KDM4C: variants seen among roughly 807,000 people sequenced by gnomAD.
KDM4C encodes the protein lysine demethylase 4C.
Under a neutral mutation model 129.3 loss-of-function variants are expected in KDM4C, and 81 were observed. That is an observed-to-expected ratio of 0.63 (90% CI 0.52 to 0.75). The LOEUF is 0.75. KDM4C is among the 30% of genes least tolerant of loss of function. KDM4C has a pLI of 0.00. For missense variants in KDM4C, 1,457 were observed against 1,304.0 expected (o/e 1.12, Z -1.81); for synonymous variants, 573 against 456.1 (o/e 1.26, Z -3.26).
chr9:6,909,977 A>G (rs577256707), intron 8 of KDM4C, among the ~76,000 whole-genome samples: 9 of 152,322 alleles, frequency 5.9e-5, no homozygotes, highest in African/African-American at 2.2e-4. Flanking sequence ...GTGGGTTAAT[A>G]TCCTTAATAA....
At chr9:6,747,198 A>C (rs1276520836) in intron 1 of KDM4C, among the ~76,000 whole-genome samples, 1 of 136,708 alleles carries the variant, frequency 7.3e-6, no homozygotes, top group African/African-American at 3.0e-5. Context: ...GTCTCCAAAA[A>C]ACCAAACCAA....
At chr9:6,813,083 G>A (rs1831455866) in intron 3 of KDM4C, among the ~76,000 whole-genome samples, 1 of 152,136 alleles carries the variant, frequency 6.6e-6, no homozygotes, top group Admixed American at 6.5e-5. Flanking sequence ...GCTGAGGCAG[G>A]AGAATCCCTT....
At chr9:7,147,846 G>C (rs1212623892) in intron 19 of KDM4C, among the ~76,000 whole-genome samples, 1 of 152,220 alleles carries the variant, frequency 6.6e-6, no homozygotes, top group Non-Finnish European at 1.5e-5. Flanking sequence ...GCCTTAGGGT[G>C]TTGCTTTGCC....
chr9:6,844,746 G>T (rs1479657150), intron 4 of KDM4C, among the ~76,000 whole-genome samples: 1 of 152,060 alleles, frequency 6.6e-6, no homozygotes, highest in East Asian at 1.9e-4. Flanking sequence ...GAAGTGCAGT[G>T]GCATGATCTC....
At chr9:6,843,690 G>T (rs1430114876) in intron 4 of KDM4C, among the ~76,000 whole-genome samples, 1 of 152,182 alleles carries the variant, frequency 6.6e-6, no homozygotes, top group Non-Finnish European at 1.5e-5. Flanking sequence ...TTTGATTCCA[G>T]TGCAGCATGG....
chr9:7,071,112 A>G (rs1042806447), intron 17 of KDM4C, among the ~76,000 whole-genome samples: 1 of 152,208 alleles, frequency 6.6e-6, no homozygotes, highest in Non-Finnish European at 1.5e-5. Flanking sequence ...GAAAGCATAT[A>G]TGCAAAATCT....
intron 1 of KDM4C, among the ~76,000 whole-genome samples, chr9:6,783,025 C>G (rs12002710): frequency 1.3e-5 from 2 of 151,894 alleles, no homozygotes; most frequent in Non-Finnish European, 2.9e-5. Flanking sequence ...TGGGAAGGCT[C>G]TTGGGATTCT....
At chr9:7,097,089 A>G (rs1836527504) in intron 17 of KDM4C, among the ~76,000 whole-genome samples, 1 of 151,976 alleles carries the variant, frequency 6.6e-6, no homozygotes, top group South Asian at 2.1e-4. Context: ...TCCCACTCCC[A>G]CATGCAGTGG....
intron 1 of KDM4C, among the ~76,000 whole-genome samples, chr9:6,791,970 C>T (rs1040567534): frequency 4.6e-5 from 7 of 152,028 alleles, no homozygotes; most frequent in Non-Finnish European, 5.9e-5. Flanking sequence ...TGTGGTGTGC[C>T]GAGATTGCGC....
At chr9:7,056,210 C>G (rs1830842185) in intron 17 of KDM4C, among the ~76,000 whole-genome samples, 1 of 152,090 alleles carries the variant, frequency 6.6e-6, no homozygotes, top group African/African-American at 2.4e-5. Flanking sequence ...CTACAGATGA[C>G]ACGGTTGTGG....
chr9:6,833,739 G>C (rs1835334504), intron 4 of KDM4C, among the ~76,000 whole-genome samples: 1 of 152,220 alleles, frequency 6.6e-6, no homozygotes, highest in South Asian at 2.1e-4. Context: ...CAGTACTAAA[G>C]CAAAGCAAGA....
At chr9:7,106,826 T>C (rs1837746047) in intron 18 of KDM4C, among the ~76,000 whole-genome samples, 1 of 152,164 alleles carries the variant, frequency 6.6e-6, no homozygotes, top group East Asian at 1.9e-4. Flanking sequence ...TTATTCATTG[T>C]TTGTTGAGCT....
chr9:6,798,770 G>C (rs1828267268), intron 2 of KDM4C, among the ~76,000 whole-genome samples: 1 of 152,214 alleles, frequency 6.6e-6, no homozygotes. Flanking sequence ...CTCCCAGACG[G>C]GGTGGTGGCC....
At chr9:6,738,855 G>A (rs1817604761) in intron 1 of KDM4C, among the ~76,000 whole-genome samples, 2 of 151,276 alleles carry the variant, frequency 1.3e-5, no homozygotes, top group Non-Finnish European at 2.9e-5. Context: ...AAAGTGCTGG[G>A]ATTACAGGCA....
At chr9:7,003,742 T>C (rs1563966081) in intron 12 of KDM4C, among the ~76,000 whole-genome samples, 4 of 152,222 alleles carry the variant, frequency 2.6e-5, no homozygotes, top group Admixed American at 1.3e-4. Flanking sequence ...CCTGTAATTT[T>C]TTTCTCTTTT....
At chr9:6,751,922 A>G (rs1468165740) in intron 1 of KDM4C, among the ~76,000 whole-genome samples, 1 of 152,238 alleles carries the variant, frequency 6.6e-6, no homozygotes, top group African/African-American at 2.4e-5. Flanking sequence ...ATGTGAAAAT[A>G]TCTTACAAGG....
chr9:6,814,387 T>C (rs1229959468), intron 3 of KDM4C, among the ~76,000 whole-genome samples: 1 of 152,186 alleles, frequency 6.6e-6, no homozygotes, highest in Non-Finnish European at 1.5e-5. Flanking sequence ...TTTCTGCTTC[T>C]ATTGTTGTTT....
intron 12 of KDM4C, among the ~76,000 whole-genome samples, chr9:6,996,421 C>G (rs961223505): frequency 6.6e-6 from 1 of 152,168 alleles, no homozygotes; most frequent in African/African-American, 2.4e-5. Flanking sequence ...TGTTTCCCAA[C>G]ATTTCTTATT....
At chr9:7,048,530 A>T (rs929225641) in intron 16 of KDM4C, among the ~76,000 whole-genome samples, 3 of 152,106 alleles carry the variant, frequency 2.0e-5, no homozygotes. Flanking sequence ...GGTATGAGAT[A>T]AACTTCATTT....
Sources: allele counts gnomAD v4.1 joint callset (sites outside exome capture counted in the v4.1 genomes callset), GRCh38; gene constraint gnomAD v4.1.1; transcripts MANE v1.5; gene names NCBI Gene and HGNC (gene_info 2026-07-23, HGNC 2026-07-21).